Variants in ASXL3 observed in about 807,000 individuals in gnomAD.
The protein encoded by ASXL3 is ASXL transcriptional regulator 3, also known as putative Polycomb group protein ASXL3.
Under a neutral mutation model 170.6 loss-of-function variants are expected in ASXL3, and 34 were observed. The ratio of observed to expected loss-of-function variants is 0.20; its 90% CI spans 0.15 to 0.27. The LOEUF is 0.27. ASXL3 is among the 10% of genes least tolerant of loss of function. The pLI, the probability that ASXL3 is intolerant of heterozygous loss-of-function variation, is 1.00. For missense variants in ASXL3, 2,592 were observed against 2,695.3 expected, an observed-to-expected ratio of 0.96 and a Z score of 0.85; for synonymous variants, 1,002 against 989.1, an observed-to-expected ratio of 1.01 and a Z score of -0.24.
intron 8 of ASXL3, among the ~76,000 whole-genome samples, chr18:33,684,298 TC>T (rs2066558562): frequency 6.6e-6 from 1 of 152,194 alleles, no homozygotes. Flanking sequence ...AAACTGTGCA[TC>T]ATTTTCAATT....
At chr18:33,681,892 T>C (rs150274697) in intron 7 of ASXL3, among the ~76,000 whole-genome samples, 4 of 152,314 alleles carry the variant, frequency 2.6e-5, no homozygotes, top group African/African-American at 9.6e-5. Flanking sequence ...TCCTTAAGTT[T>C]GTATCTTAAT....
chr18:33,645,067 TAAAC>T lies in ASXL3; in HGVS notation c.246+69_246+72del, dbSNP rs1474988601. ...ATGCATTTTTTCAGACATGTGAAGG[TAAAC>T]AAAATTAGATTTGAAGAGTAGAAGA... On this transcript the variant is annotated intron_variant, in intron 3 of 11. Transcript: ENST00000269197. The T allele has an allele frequency of 5.7e-6, 6 of 1,048,516 alleles. No individual in the cohort carries two copies. The South Asian group carries it at 8.3e-5, about 14-fold the overall frequency. The allele number at this position is 1,048,516 out of a possible 1,614,324, so 65.0% of individuals were successfully genotyped here. A position where few individuals can be genotyped will look rare whatever the true frequency, so the allele number is the denominator to read the frequency against.
intron 9 of ASXL3, among the ~76,000 whole-genome samples, chr18:33,733,509 T>C (rs1403825352): frequency 6.6e-6 from 1 of 152,176 alleles, no homozygotes; most frequent in African/African-American, 2.4e-5. Flanking sequence ...TCTCCACCTT[T>C]CCTGTGTGGT....
At chr18:33,618,351 G>GA (rs2065460674) in intron 2 of ASXL3, among the ~76,000 whole-genome samples, 1 of 152,010 alleles carries the variant, frequency 6.6e-6, no homozygotes, top group African/African-American at 2.4e-5. Flanking sequence ...ATGATATCTG[G>GA]ATTCTCTGTA....
intron 10 of ASXL3, among the ~76,000 whole-genome samples, chr18:33,736,240 C>G (rs975396679): frequency 6.6e-6 from 1 of 152,104 alleles, no homozygotes; most frequent in African/African-American, 2.4e-5. Flanking sequence ...GATATCAGAT[C>G]TAGGGCCCCT....
chr18:33,599,264 G>T (rs2065159438), intron 1 of ASXL3, among the ~76,000 whole-genome samples: 1 of 152,122 alleles, frequency 6.6e-6, no homozygotes, highest in African/African-American at 2.4e-5. Flanking sequence ...GCATATGTTA[G>T]AGCTAAATTT....
At chr18:33,617,602 T>C (rs1260642806) in intron 2 of ASXL3, among the ~76,000 whole-genome samples, 4 of 152,168 alleles carry the variant, frequency 2.6e-5, no homozygotes, top group Non-Finnish European at 5.9e-5. Context: ...TATTGATGCC[T>C]CAAGGCATCA....
At chr18:33,690,056 C>T (rs999544477) in intron 8 of ASXL3, among the ~76,000 whole-genome samples, 1 of 152,034 alleles carries the variant, frequency 6.6e-6, no homozygotes, top group African/African-American at 2.4e-5. Flanking sequence ...TAGGGTCTCA[C>T]TGTGTTGCCC....
At chr18:33,635,457 T>C (rs1368048205) in intron 2 of ASXL3, among the ~76,000 whole-genome samples, 1 of 152,188 alleles carries the variant, frequency 6.6e-6, no homozygotes, top group African/African-American at 2.4e-5. Context: ...GCCCTGGCCT[T>C]GTGGAGGCAG....
At position 33,745,730 on chromosome 18, in the gene ASXL3, T is replaced by G; in HGVS notation, c.5882T>G (p.Phe1961Cys). 1 of 1,613,968 alleles carries G rather than the reference T, an allele frequency of 6.2e-7. No individual in the cohort carries two copies. Among genetic ancestry groups the G allele is most frequent in the Non-Finnish European group, 8.5e-7 (1 of 1,179,882 alleles). Residue 1961 changes from phenylalanine (F) to cysteine (C), a missense_variant, in exon 12 of 12, where the codon TTT becomes TGT. Physicochemically the swap from Phe to Cys is radical, Grantham distance 205. Transcript: ENST00000269197. ...SSKTPVGCNAFAFNRHLEQKG... is the reference protein window; with the variant it reads ...SSKTPVGCNACAFNRHLEQKG... Reference sequence around the variant, plus strand: ...AAGACCCCAGTGGGGTGTAATGCATTTGCCTTCAACAGGCATCTTGAACAG... The same window carrying G: ...AAGACCCCAGTGGGGTGTAATGCATGTGCCTTCAACAGGCATCTTGAACAG...
chr18:33,655,471 C>T (rs2066068315), intron 4 of ASXL3, among the ~76,000 whole-genome samples: 1 of 151,942 alleles, frequency 6.6e-6, no homozygotes, highest in Non-Finnish European at 1.5e-5. Context: ...GCTAGTATTA[C>T]TAGCAATTTA....
chr18:33,676,684 C>CT (rs1243753865), intron 7 of ASXL3, among the ~76,000 whole-genome samples: 6 of 152,142 alleles, frequency 3.9e-5, no homozygotes, highest in African/African-American at 9.7e-5. Flanking sequence ...GCAGTAGAAA[C>CT]TTTATCTGCT....
At chr18:33,682,518 A>G (rs1046055446) in intron 7 of ASXL3, among the ~76,000 whole-genome samples, 2 of 152,010 alleles carry the variant, frequency 1.3e-5, no homozygotes, top group African/African-American at 4.8e-5. Context: ...TGCAGAGCAT[A>G]TTTGCATTTC....
chr18:33,607,276 A>G (rs1373650261), intron 1 of ASXL3, among the ~76,000 whole-genome samples: 1 of 151,986 alleles, frequency 6.6e-6, no homozygotes, highest in East Asian at 1.9e-4. Context: ...TTTCACCATA[A>G]AATTTTAGCA....
chr18:33,707,534 TC>T (rs1392896622), intron 8 of ASXL3, among the ~76,000 whole-genome samples: 3 of 149,074 alleles, frequency 2.0e-5, no homozygotes, highest in Non-Finnish European at 4.5e-5. Flanking sequence ...TTGATTTTTT[TC>T]CAGTGAATGT....
intron 8 of ASXL3, among the ~76,000 whole-genome samples, chr18:33,696,793 C>T (rs544068650): frequency 7.9e-5 from 12 of 152,238 alleles, no homozygotes; most frequent in Non-Finnish European, 1.5e-4. Context: ...GTCCTGTGTT[C>T]TATCCAAAGC....
intron 7 of ASXL3, among the ~76,000 whole-genome samples, chr18:33,674,688 G>A (rs1326194459): frequency 6.7e-6 from 1 of 150,314 alleles, no homozygotes; most frequent in Non-Finnish European, 1.5e-5. Flanking sequence ...GTGCGATCTC[G>A]GCCCACTGCA....
intron 6 of ASXL3, 38 bp from the exon 7 acceptor site, chr18:33,671,709 A>G: frequency 2.6e-6 from 4 of 1,538,346 alleles, no homozygotes; most frequent in Non-Finnish European, 2.6e-6. Context: ...AAGGACAGCT[A>G]GAGAAGATAA....
Position 33,746,287 on chromosome 18 carries a change from C to A in ASXL3, c.6439C>A (p.Gln2147Lys). 2.5e-6 allele frequency: 4 copies of A among 1,614,028 alleles called. No individual in the cohort carries two copies. Among genetic ancestry groups the A allele is most frequent in the Non-Finnish European group, 3.4e-6 (4 of 1,179,898 alleles). The change falls in exon 12 of 12, where the codon CAA becomes AAA. Residue 2147 changes from glutamine to lysine, a missense_variant. Coordinates refer to ENST00000269197, the MANE Select transcript of ASXL3 (RefSeq NM_030632.3). ...TGCTCAGAAAATGCAGGTGCAGCAA[C>A]AACAGCAGCTCTGTGGAAATTATCC... is the stretch of plus-strand genomic sequence containing the variant. Reference protein sequence around the residue: ...LAAQKMQVQQQQQLCGNYPTI... With the variant: ...LAAQKMQVQQKQQLCGNYPTI...
Sources: gnomAD v4.1 joint callset for allele counts (sites outside exome capture counted in the v4.1 genomes callset) on GRCh38, gnomAD v4.1.1 for gene constraint, MANE v1.5 for transcripts, NCBI Gene and HGNC (gene_info 2026-07-23, HGNC 2026-07-21) for gene names.